The following HERC4 variants were observed in gnomAD, a reference collection of about 807,000 sequenced individuals.
The protein encoded by HERC4 is probable E3 ubiquitin-protein ligase HERC4.
A neutral mutation model predicts 124.3 loss-of-function variants in HERC4; 28 were observed. That is an observed-to-expected ratio of 0.23 (90% CI 0.17 to 0.31). The LOEUF is 0.31. Ranked by LOEUF, HERC4 falls within the 10% of genes least tolerant of loss-of-function variation. The pLI is 1.00. For synonymous variants in HERC4, 407 were observed against 421.5 expected, an observed-to-expected ratio of 0.97 and a Z score of 0.42; for missense variants, 713 against 1,229.3, an observed-to-expected ratio of 0.58 and a Z score of 6.28.
rs1013441283 is a variant in HERC4, at chr10:68,016,100, C to T, written c.909-1914G>A. ...CCTGGGCAACAGAGCAAGACTCAGTCTCAAAAATATATGTATATATGTGTG... is the reference window on the plus strand; with the variant it reads ...CCTGGGCAACAGAGCAAGACTCAGTTTCAAAAATATATGTATATATGTGTG... On this transcript the variant is annotated intron_variant, in intron 8 of 24. Transcript: ENST00000373700. 3.3e-5 allele frequency among the ~76,000 whole-genome samples: 5 copies of T among 152,028 alleles called. No homozygotes were observed. In the East Asian group the frequency reaches 9.7e-4, roughly 29 times the overall value.
chr10:68,047,880 TCAAA>T (rs1467542787), intron 3 of HERC4, among the ~76,000 whole-genome samples: 1 of 152,126 alleles, frequency 6.6e-6, no homozygotes, highest in African/African-American at 2.4e-5. Context: ...TGATATTTAC[TCAAA>T]CACTTATGTC....
chr10:67,934,599 G>C (rs561558097), intron 22 of HERC4, among the ~76,000 whole-genome samples: 5 of 152,120 alleles, frequency 3.3e-5, no homozygotes, highest in Non-Finnish European at 5.9e-5. Flanking sequence ...TGAGAAAAAG[G>C]CATCAGAAGT....
chr10:68,059,579 ATTATATATC>A lies in HERC4; in HGVS notation c.226+13295_226+13303del, dbSNP rs1262219588. Among the ~76,000 whole-genome samples, 549 of 106,236 alleles carry A rather than the reference ATTATATATC, an allele frequency of 5.2e-3. 89 individuals are homozygous for A. The highest frequency in any genetic ancestry group is 0.012 in the African/African-American group (309 of 25,186). 69.7% of individuals were successfully genotyped at this position (106,236 alleles called of 152,430 possible). On this transcript the variant is annotated intron_variant, in intron 3 of 24. Transcript: ENST00000373700. ...TATATATCATAATATTATATATCAT[ATTATATATC>A]ATATTATATATCATAATATTATATA...
At chr10:68,054,335 T>C (rs1332989611) in intron 3 of HERC4, among the ~76,000 whole-genome samples, 1 of 152,054 alleles carries the variant, frequency 6.6e-6, no homozygotes, top group Non-Finnish European at 1.5e-5. Context: ...GAATGTGCAG[T>C]TGAAGTATTT....
chr10:67,945,072 G>A (rs2132183077), intron 19 of HERC4, among the ~76,000 whole-genome samples: 1 of 152,134 alleles, frequency 6.6e-6, no homozygotes, highest in Non-Finnish European at 1.5e-5. Flanking sequence ...CCCAAACCTA[G>A]GGAAAGGTAT....
At chr10:67,937,430 A>T (rs1176161573) in intron 21 of HERC4, among the ~76,000 whole-genome samples, 1 of 152,196 alleles carries the variant, frequency 6.6e-6, no homozygotes, top group African/African-American at 2.4e-5. Context: ...GAATATAGTA[A>T]GAATTCACAA....
At chr10:67,975,465 T>A (rs1363935415) in intron 15 of HERC4, among the ~76,000 whole-genome samples, 4 of 152,232 alleles carry the variant, frequency 2.6e-5, no homozygotes, top group African/African-American at 9.6e-5. Flanking sequence ...TTCTCCTGCC[T>A]CAGCCTCCTA....
intron 8 of HERC4, among the ~76,000 whole-genome samples, chr10:68,017,343 T>A (rs758268103): frequency 1.3e-5 from 2 of 152,158 alleles, no homozygotes; most frequent in Non-Finnish European, 2.9e-5. Context: ...CTAGCCTAAA[T>A]AAAAGCTGCT....
chr10:67,924,718 C>CT (rs1382709883), intron 24 of HERC4, among the ~76,000 whole-genome samples: 1 of 152,110 alleles, frequency 6.6e-6, no homozygotes, highest in African/African-American at 2.4e-5. Flanking sequence ...TTTGGGTATC[C>CT]TTGGCAGGGA....
At chr10:67,944,518 T>G (rs1249990655) in intron 19 of HERC4, among the ~76,000 whole-genome samples, 1 of 152,136 alleles carries the variant, frequency 6.6e-6, no homozygotes, top group East Asian at 1.9e-4. Context: ...AAGACTACAA[T>G]AAATACCTAA....
rs780568889 is a variant in HERC4 at position 67,959,170 on chromosome 10, G to A, written c.1927-2194C>T. 9 of 1,558,378 alleles carry A rather than the reference G, an allele frequency of 5.8e-6. No individual in the cohort carries two copies. In the East Asian group the frequency reaches 1.9e-4, roughly 33 times the overall value. On this transcript the variant is annotated intron_variant, in intron 16 of 24. Transcript: ENST00000373700. ...GCAGTGCAGAATATAACAATAACGA[G>A]GAAAGAGCAATATTAGTGTCCAAAT...
chr10:67,962,794 A>T (rs2034606479), intron 16 of HERC4, among the ~76,000 whole-genome samples: 1 of 152,198 alleles, frequency 6.6e-6, no homozygotes, highest in Non-Finnish European at 1.5e-5. Context: ...ATTATAGTGC[A>T]CATAGAGAAA....
chr10:67,947,150 C>T (rs904120714), intron 19 of HERC4, among the ~76,000 whole-genome samples: 1 of 152,176 alleles, frequency 6.6e-6, no homozygotes, highest in Admixed American at 6.5e-5. Context: ...TAGGACATTT[C>T]ATCCAGCAGC....
chr10:67,929,280 G>GT (rs2031511901), intron 23 of HERC4, among the ~76,000 whole-genome samples: 1 of 152,134 alleles, frequency 6.6e-6, no homozygotes, highest in Non-Finnish European at 1.5e-5. Context: ...GCAGATCTGT[G>GT]TAACCACTGC....
intron 23 of HERC4, among the ~76,000 whole-genome samples, chr10:67,931,283 C>A (rs558164145): frequency 6.6e-6 from 1 of 151,948 alleles, no homozygotes; most frequent in South Asian, 2.1e-4. Flanking sequence ...CACACAGGGC[C>A]AGCACTTTCT....
chr10:67,954,940 T>G, intron 18 of HERC4, 23 bp downstream of exon 18: 1 of 1,577,036 alleles, frequency 6.3e-7, no homozygotes. Context: ...GTCCCAATTA[T>G]ACCACAGAAA....
chr10:67,933,208 C>T (rs920028628), intron 22 of HERC4, among the ~76,000 whole-genome samples: 1 of 152,108 alleles, frequency 6.6e-6, no homozygotes, highest in Non-Finnish European at 1.5e-5. Context: ...CCAACTATAG[C>T]CTTCTTTTCC....
intron 19 of HERC4, among the ~76,000 whole-genome samples, chr10:67,945,637 C>T (rs2033263220): frequency 6.6e-6 from 1 of 151,992 alleles, no homozygotes; most frequent in African/African-American, 2.4e-5. Flanking sequence ...ATAATAACTA[C>T]AGCTACAAGA....
chr10:68,018,663 T>C (rs2038410892), intron 8 of HERC4, among the ~76,000 whole-genome samples: 1 of 152,166 alleles, frequency 6.6e-6, no homozygotes, highest in Non-Finnish European at 1.5e-5. Context: ...TATTTCTACA[T>C]GCCAGTGATT....
Sources: gnomAD v4.1 joint callset for allele counts (sites outside exome capture counted in the v4.1 genomes callset) on GRCh38, gnomAD v4.1.1 for gene constraint, MANE v1.5 for transcripts, NCBI Gene and HGNC (gene_info 2026-07-23, HGNC 2026-07-21) for gene names.